Variants in ADAMTS6 observed in about 807,000 individuals in gnomAD.
ADAMTS6 encodes the protein ADAM metallopeptidase with thrombospondin type 1 motif 6, also known as A disintegrin and metalloproteinase with thrombospondin motifs 6.
In ADAMTS6, 23 loss-of-function variants were observed where a neutral mutation model predicts 144.3. That is an observed-to-expected ratio of 0.16 (90% confidence interval 0.11 to 0.23). The LOEUF is 0.23. Ranked by LOEUF, ADAMTS6 falls within the 10% of genes least tolerant of loss-of-function variation. The pLI, the probability that ADAMTS6 is intolerant of heterozygous loss-of-function variation, is 1.00. For missense variants in ADAMTS6, 999 were observed against 1,379.6 expected (o/e 0.72, Z 4.37); for synonymous variants, 444 against 457.5 (o/e 0.97, Z 0.38).
At chr5:65,436,854 T>G (rs1474038474) in intron 7 of ADAMTS6, among the ~76,000 whole-genome samples, 2 of 147,030 alleles carry the variant, frequency 1.4e-5, no homozygotes, top group East Asian at 2.0e-4. Context: ...TAAGACTCTG[T>G]CTCAAAAAAA....
At chr5:65,266,005 A>G (rs79828639) in intron 12 of ADAMTS6, among the ~76,000 whole-genome samples, 1 of 151,828 alleles carries the variant, frequency 6.6e-6, no homozygotes, top group East Asian at 1.9e-4. Context: ...TTTTTTTTAA[A>G]CACAGCTGTA....
chr5:65,169,894 G>A (rs1433235399), intron 24 of ADAMTS6, among the ~76,000 whole-genome samples: 1 of 127,386 alleles, frequency 7.9e-6, no homozygotes, highest in Admixed American at 8.4e-5. Flanking sequence ...GGTGGGGAGG[G>A]GGGAGGGGGG....
In ADAMTS6 at chr5:65,423,611, G is replaced by A. The variant is rs139085326; in HGVS notation, c.1073+27864C>T. Among the ~76,000 whole-genome samples, 1,062 of 151,820 alleles carry A rather than the reference G, an allele frequency of 7.0e-3. 7 individuals carry two copies. Among genetic ancestry groups the A allele is most frequent in the African/African-American group, 0.023 (942 of 41,404 alleles). ...ATTAACAGCAAAAGCCTGTGTAAAA[G>A]CTATTAAGATAAAATATTTTCTTCT... On this transcript the variant is annotated intron_variant, in intron 7 of 24. Transcript: ENST00000381055.
chr5:65,343,582 T>C (rs999486291), intron 7 of ADAMTS6, among the ~76,000 whole-genome samples: 16 of 151,934 alleles, frequency 1.1e-4, no homozygotes, highest in East Asian at 7.7e-4. Flanking sequence ...ATCTGAAACA[T>C]TAAAACTACT....
At chr5:65,273,787 C>G (rs1762240748) in intron 11 of ADAMTS6, among the ~76,000 whole-genome samples, 1 of 151,946 alleles carries the variant, frequency 6.6e-6, no homozygotes. Context: ...TTATTACACT[C>G]AAGAATATAC....
At chr5:65,190,022 CG>C (rs1561263576) in intron 21 of ADAMTS6, among the ~76,000 whole-genome samples, 1 of 152,094 alleles carries the variant, frequency 6.6e-6, no homozygotes, top group African/African-American at 2.4e-5. Flanking sequence ...GTTTTGTATA[CG>C]GAAGATAATA....
intron 24 of ADAMTS6, among the ~76,000 whole-genome samples, chr5:65,168,727 G>A (rs1478622147): frequency 7.5e-6 from 1 of 133,768 alleles, no homozygotes; most frequent in Non-Finnish European, 1.7e-5. Flanking sequence ...CAGAAATAAC[G>A]CCGCTTACCT....
At chr5:65,383,483 A>T (rs1417291005) in intron 7 of ADAMTS6, among the ~76,000 whole-genome samples, 1 of 152,206 alleles carries the variant, frequency 6.6e-6, no homozygotes. Context: ...AGGGCAAACA[A>T]CATTGAATCT....
intron 14 of ADAMTS6, among the ~76,000 whole-genome samples, 168 bp downstream of exon 14, chr5:65,260,432 T>C (rs1470226909): frequency 2.0e-5 from 3 of 152,090 alleles, no homozygotes; most frequent in Non-Finnish European, 4.4e-5. Context: ...CCCTTATTAA[T>C]GGAATTGATG....
At chr5:65,438,675 G>A (rs1452158157) in intron 7 of ADAMTS6, among the ~76,000 whole-genome samples, 3 of 152,146 alleles carry the variant, frequency 2.0e-5, no homozygotes, top group African/African-American at 4.8e-5. Context: ...TGTTTTTGCT[G>A]TTGGCCATCT....
intron 7 of ADAMTS6, 148 bp downstream of exon 7, chr5:65,451,326 TA>T: frequency 1.3e-6 from 1 of 744,588 alleles, no homozygotes; most frequent in Non-Finnish European, 2.1e-6. Flanking sequence ...AATAATAGTG[TA>T]ATACATTCTT....
chr5:65,411,003 A>G (rs914796157), intron 7 of ADAMTS6, among the ~76,000 whole-genome samples: 1 of 151,936 alleles, frequency 6.6e-6, no homozygotes, highest in Admixed American at 6.6e-5. Context: ...ACGCTCAGCT[A>G]ATTTTTTGCA....
At chr5:65,373,264 G>T (rs1403551997) in intron 7 of ADAMTS6, among the ~76,000 whole-genome samples, 1 of 151,048 alleles carries the variant, frequency 6.6e-6, no homozygotes, top group East Asian at 2.0e-4. Context: ...AATCAGAGCA[G>T]AACTGAAGGA....
chr5:65,164,540 A>G (rs1234798736), intron 24 of ADAMTS6, among the ~76,000 whole-genome samples: 1 of 145,206 alleles, frequency 6.9e-6, no homozygotes, highest in African/African-American at 2.6e-5. Flanking sequence ...CAGCTCAAGG[A>G]GGCCTGCCTG....
intron 7 of ADAMTS6, among the ~76,000 whole-genome samples, chr5:65,365,085 A>AGTAAACAGTATGATGTCATCCACG (rs1750184962): frequency 6.6e-6 from 1 of 152,186 alleles, no homozygotes; most frequent in Admixed American, 6.5e-5. Flanking sequence ...GATCATCCAC[A>AGTAAACAGTATGATGTCATCCACG]GTAAACAGTA....
At chr5:65,343,451 G>A (rs866471446) in intron 7 of ADAMTS6, among the ~76,000 whole-genome samples, 3 of 151,996 alleles carry the variant, frequency 2.0e-5, no homozygotes, top group South Asian at 2.1e-4. Flanking sequence ...GCAAAGGACA[G>A]TATCTTCAAT....
intron 7 of ADAMTS6, among the ~76,000 whole-genome samples, chr5:65,362,040 T>C (rs945032566): frequency 1.3e-5 from 2 of 152,172 alleles, no homozygotes; most frequent in African/African-American, 4.8e-5. Context: ...CGGCCTACCA[T>C]GGTAATTTTT....
At chr5:65,435,597 T>C (rs1298701725) in intron 7 of ADAMTS6, among the ~76,000 whole-genome samples, 2 of 151,686 alleles carry the variant, frequency 1.3e-5, no homozygotes, top group Non-Finnish European at 2.9e-5. Context: ...ACCTTTTTTT[T>C]TGTAATTCTA....
chr5:65,253,875 TG>T (rs971170828), intron 14 of ADAMTS6, among the ~76,000 whole-genome samples: 4 of 136,750 alleles, frequency 2.9e-5, no homozygotes, highest in African/African-American at 1.1e-4. Flanking sequence ...TCATCCAGCC[TG>T]GGGTGCAGTG....
Sources: allele counts gnomAD v4.1 joint callset (sites outside exome capture counted in the v4.1 genomes callset), GRCh38; gene constraint gnomAD v4.1.1; transcripts MANE v1.5; gene names NCBI Gene and HGNC (gene_info 2026-07-23, HGNC 2026-07-21).